CDH13: variants seen among roughly 807,000 people sequenced by gnomAD.
CDH13 encodes cadherin-13.
A neutral mutation model predicts 63.8 loss-of-function variants in CDH13; 24 were observed. That is an observed-to-expected ratio of 0.38 (90% CI 0.27 to 0.53). The LOEUF (loss-of-function observed/expected upper bound fraction) is 0.53. Among genes scored for constraint, CDH13 ranks in the 20% least tolerant of loss-of-function variants. The pLI is 0.85. For missense variants in CDH13, 1,049 were observed against 903.1 expected (o/e 1.16, Z -2.07); for synonymous variants, 503 against 355.3 (o/e 1.42, Z -4.67).
rs78573296 is a variant in CDH13, at chr16:83,445,193, G to C, written c.782-41284G>C. On this transcript the variant is annotated intron_variant, in intron 6 of 13. Coordinates refer to ENST00000567109, the MANE Select transcript of CDH13 (RefSeq NM_001257.5). ...ATACAACACTGACATTTGAGTAATA[G>C]TTTTCCCATTTTGCAGCTGAGGAAA... is the stretch of plus-strand genomic sequence containing the variant. Among the ~76,000 whole-genome samples, 28 of 151,716 alleles carry C rather than the reference G, an allele frequency of 1.8e-4. No homozygotes were observed. In the East Asian group the frequency reaches 5.4e-3, roughly 29 times the overall value.
chr16:82,750,410 C>T (rs1288481998), intron 1 of CDH13, among the ~76,000 whole-genome samples: 3 of 152,070 alleles, frequency 2.0e-5, no homozygotes, highest in Non-Finnish European at 4.4e-5. Flanking sequence ...TGATTTATCA[C>T]CCACTCTCTC....
chr16:83,088,903 G>T (rs1341809330), intron 3 of CDH13, among the ~76,000 whole-genome samples: 1 of 152,120 alleles, frequency 6.6e-6, no homozygotes, highest in African/African-American at 2.4e-5. Flanking sequence ...ACCTGTTTTT[G>T]TCAATAAAGC....
At chr16:82,767,333 G>A (rs1411053472) in intron 1 of CDH13, among the ~76,000 whole-genome samples, 1 of 152,130 alleles carries the variant, frequency 6.6e-6, no homozygotes, top group African/African-American at 2.4e-5. Context: ...CCATTGCTCT[G>A]ATTGTTTTCT....
At chr16:82,829,887 A>G (rs1451698945) in intron 1 of CDH13, among the ~76,000 whole-genome samples, 1 of 152,214 alleles carries the variant, frequency 6.6e-6, no homozygotes, top group Admixed American at 6.5e-5. Context: ...ATTTGTCAAA[A>G]TGCCTCATCT....
intron 5 of CDH13, among the ~76,000 whole-genome samples, chr16:83,328,775 C>A (rs781563478): frequency 2.0e-5 from 3 of 152,154 alleles, no homozygotes; most frequent in African/African-American, 7.2e-5. Context: ...ATTGTACCAA[C>A]ATTCACCTAG....
chr16:83,664,082 A>G (rs1488887915), intron 8 of CDH13, among the ~76,000 whole-genome samples: 4 of 152,138 alleles, frequency 2.6e-5, no homozygotes, highest in Admixed American at 2.0e-4. Context: ...ACTTGAGCCT[A>G]AGAAGTCAAG....
At chr16:83,307,145 C>A (rs1367021435) in intron 5 of CDH13, among the ~76,000 whole-genome samples, 1 of 152,152 alleles carries the variant, frequency 6.6e-6, no homozygotes, top group Non-Finnish European at 1.5e-5. Flanking sequence ...TGCTATAAGC[C>A]ATGGTGTCCT....
intron 12 of CDH13, among the ~76,000 whole-genome samples, chr16:83,781,854 C>T (rs192695374): frequency 6.0e-4 from 91 of 151,072 alleles, no homozygotes; most frequent in African/African-American, 2.0e-3. Flanking sequence ...ATGATTTGTG[C>T]AGCAAATCAC....
At chr16:83,775,869 G>C (rs1915075945) in intron 11 of CDH13, among the ~76,000 whole-genome samples, 1 of 152,162 alleles carries the variant, frequency 6.6e-6, no homozygotes. Context: ...GAGGAACAGA[G>C]GGGTGAGGGA....
chr16:82,726,532 G>C (rs1567470714), intron 1 of CDH13, among the ~76,000 whole-genome samples: 1 of 152,146 alleles, frequency 6.6e-6, no homozygotes, highest in Non-Finnish European at 1.5e-5. Context: ...CTTGCTGGTG[G>C]GCTGTTGTTT....
chr16:82,758,724 G>C (rs533020201), intron 1 of CDH13, among the ~76,000 whole-genome samples: 1 of 152,302 alleles, frequency 6.6e-6, no homozygotes, highest in South Asian at 2.1e-4. Context: ...GGCTATGGGT[G>C]TAACAGGCAT....
chr16:82,905,753 A>G (rs548711764), intron 2 of CDH13, among the ~76,000 whole-genome samples: 3 of 152,286 alleles, frequency 2.0e-5, no homozygotes, highest in Admixed American at 1.3e-4. Flanking sequence ...AATTATTCAC[A>G]TATTTGACCT....
At chr16:82,694,477 C>T (rs567478163) in intron 1 of CDH13, among the ~76,000 whole-genome samples, 4 of 152,262 alleles carry the variant, frequency 2.6e-5, no homozygotes, top group South Asian at 2.1e-4. Context: ...GGCTTGCAGG[C>T]ATGAGAAGGA....
intron 1 of CDH13, among the ~76,000 whole-genome samples, chr16:82,662,613 C>T (rs1912089192): frequency 6.6e-6 from 1 of 152,182 alleles, no homozygotes; most frequent in Non-Finnish European, 1.5e-5. Flanking sequence ...CCCTGCTTTT[C>T]CTGAATGTCC....
intron 13 of CDH13, among the ~76,000 whole-genome samples, chr16:83,787,970 C>G (rs1366086261): frequency 2.0e-5 from 3 of 152,152 alleles, no homozygotes; most frequent in Non-Finnish European, 4.4e-5. Flanking sequence ...AACTGGAACT[C>G]AAGAATAACA....
chr16:83,121,134 C>T (rs977025183), intron 3 of CDH13, among the ~76,000 whole-genome samples: 1 of 152,228 alleles, frequency 6.6e-6, no homozygotes, highest in East Asian at 1.9e-4. Context: ...TTATATTATT[C>T]TTGCTTTTTC....
At chr16:83,636,517 C>T (rs1911278894) in intron 8 of CDH13, among the ~76,000 whole-genome samples, 1 of 152,098 alleles carries the variant, frequency 6.6e-6, no homozygotes, top group South Asian at 2.1e-4. Flanking sequence ...ACTCTCACTT[C>T]GGACTGAGAA....
At chr16:83,431,152 A>AT (rs913617970) in intron 6 of CDH13, among the ~76,000 whole-genome samples, 14 of 151,826 alleles carry the variant, frequency 9.2e-5, no homozygotes, top group Non-Finnish European at 1.5e-5. Context: ...TGAACTCATC[A>AT]TTTTTTATGG....
At chr16:83,037,688 C>A (rs574607483) in intron 3 of CDH13, among the ~76,000 whole-genome samples, 2 of 152,266 alleles carry the variant, frequency 1.3e-5, no homozygotes, top group East Asian at 3.9e-4. Context: ...CAATGTGGGA[C>A]TGGCTGCTAG....
Sources: gnomAD v4.1 joint callset for allele counts (sites outside exome capture counted in the v4.1 genomes callset) on GRCh38, gnomAD v4.1.1 for gene constraint, MANE v1.5 for transcripts, NCBI Gene and HGNC (gene_info 2026-07-23, HGNC 2026-07-21) for gene names.